PKIB: variants seen among roughly 807,000 people sequenced by gnomAD.
The protein encoded by PKIB is cAMP-dependent protein kinase inhibitor beta.
A neutral mutation model predicts 4.5 loss-of-function variants in PKIB; 2 were observed. That is an observed-to-expected ratio of 0.44 (90% CI 0.18 to 1.39). PKIB has a LOEUF of 1.39. Ranked by LOEUF, PKIB falls within the 40% of genes most tolerant of loss-of-function variation. PKIB has a pLI of 0.27. For synonymous variants in PKIB, 38 were observed against 36.0 expected (o/e 1.06, Z -0.20); for missense variants, 94 against 92.6 (o/e 1.02, Z -0.06).
chr6:122,545,412 C>G (rs956772395), intron 2 of PKIB, among the ~76,000 whole-genome samples: 1 of 151,858 alleles, frequency 6.6e-6, no homozygotes, highest in Non-Finnish European at 1.5e-5. Flanking sequence ...ACTGCATGTT[C>G]TCACTTACAA....
intron 2 of PKIB, among the ~76,000 whole-genome samples, chr6:122,661,267 G>T (rs562691874): frequency 6.6e-6 from 1 of 151,928 alleles, no homozygotes; most frequent in Admixed American, 6.6e-5. Context: ...GTATATTCAC[G>T]CACTGTCATG....
At chr6:122,596,044 C>T (rs187843790) in intron 3 of PKIB, among the ~76,000 whole-genome samples, 309 of 152,342 alleles carry the variant, frequency 2.0e-3, no homozygotes, top group African/African-American at 7.0e-3. Flanking sequence ...AAGTCCCTGA[C>T]CATCCAGCCA....
At chr6:122,593,639 T>C (rs560436752) in intron 3 of PKIB, among the ~76,000 whole-genome samples, 3 of 152,326 alleles carry the variant, frequency 2.0e-5, no homozygotes, top group African/African-American at 7.2e-5. Context: ...GCAATATAGA[T>C]GGTATTTCAA....
chr6:122,579,364 T>G (rs1351151901), intron 2 of PKIB, among the ~76,000 whole-genome samples: 1 of 152,158 alleles, frequency 6.6e-6, no homozygotes, highest in Non-Finnish European at 1.5e-5. Context: ...CCCTAACCTA[T>G]CTTCATCCCT....
At chr6:122,615,220 C>G (rs1774933705) in intron 1 of PKIB, among the ~76,000 whole-genome samples, 1 of 152,010 alleles carries the variant, frequency 6.6e-6, no homozygotes, top group Non-Finnish European at 1.5e-5. Context: ...TTAAATATGT[C>G]TTTCTAACAT....
At chr6:122,716,203 A>G (rs569401369) in intron 3 of PKIB, among the ~76,000 whole-genome samples, 2 of 152,192 alleles carry the variant, frequency 1.3e-5, no homozygotes, top group African/African-American at 2.4e-5. Flanking sequence ...ATAGTTACAA[A>G]GAGTTCATTT....
intron 2 of PKIB, among the ~76,000 whole-genome samples, chr6:122,563,874 C>G (rs1333933113): frequency 1.3e-5 from 2 of 152,118 alleles, no homozygotes; most frequent in Non-Finnish European, 2.9e-5. Context: ...TGAAATCTCC[C>G]GCCTCCCAGC....
intron 2 of PKIB, among the ~76,000 whole-genome samples, chr6:122,524,129 C>T (rs1777026840): frequency 6.6e-6 from 1 of 150,772 alleles, no homozygotes; most frequent in Admixed American, 6.6e-5. Context: ...CTTCCTTCTC[C>T]TCCTCCTTCC....
At chr6:122,608,532 A>G, upstream of PKIB, among the ~76,000 whole-genome samples, 1 of 152,260 alleles carries the variant, frequency 6.6e-6, no homozygotes, top group Non-Finnish European at 1.5e-5. Context: ...ATGAGAGGCC[A>G]TCAAAAATCT....
chr6:122,585,248 G>A (rs889798356), intron 2 of PKIB, among the ~76,000 whole-genome samples: 2 of 152,012 alleles, frequency 1.3e-5, no homozygotes, highest in Non-Finnish European at 2.9e-5. Flanking sequence ...AACCCTCCTG[G>A]GCTAAGCCCC....
chr6:122,600,641 T>G (rs1354337231), intron 3 of PKIB, among the ~76,000 whole-genome samples: 1 of 152,100 alleles, frequency 6.6e-6, no homozygotes, highest in African/African-American at 2.4e-5. Context: ...TCACAAAACT[T>G]AATAGACAGA....
chr6:122,614,321 C>T (rs964645826), intron 1 of PKIB, among the ~76,000 whole-genome samples: 8 of 152,160 alleles, frequency 5.3e-5, no homozygotes, highest in African/African-American at 1.9e-4. Context: ...TTCTTTAAGA[C>T]AATGTGGTCT....
intron 2 of PKIB, among the ~76,000 whole-genome samples, chr6:122,519,143 C>G (rs1381576192): frequency 6.6e-6 from 1 of 152,112 alleles, no homozygotes; most frequent in Non-Finnish European, 1.5e-5. Context: ...GCGTTACTGC[C>G]TGAGCTCTGC....
intron 2 of PKIB, among the ~76,000 whole-genome samples, chr6:122,552,764 T>G (rs1772716541): frequency 6.6e-6 from 1 of 152,146 alleles, no homozygotes; most frequent in Non-Finnish European, 1.5e-5. Flanking sequence ...GTGTTTTTAT[T>G]TCCAGCAAGT....
chr6:122,626,446 A>G (rs1018571116), intron 1 of PKIB, among the ~76,000 whole-genome samples: 13 of 152,340 alleles, frequency 8.5e-5, no homozygotes, highest in African/African-American at 1.2e-4. Context: ...GGGGAAGACT[A>G]TCAAACACAG....
intron 1 of PKIB, among the ~76,000 whole-genome samples, chr6:122,628,664 A>G (rs908665176): frequency 6.6e-6 from 1 of 152,176 alleles, no homozygotes; most frequent in Non-Finnish European, 1.5e-5. Flanking sequence ...ATTTCTTCCT[A>G]TGGCTACATC....
chr6:122,610,954 G>A (rs1481810061), intron 1 of PKIB, among the ~76,000 whole-genome samples: 1 of 152,224 alleles, frequency 6.6e-6, no homozygotes, highest in Non-Finnish European at 1.5e-5. Flanking sequence ...CGGCCGCGGG[G>A]TTAGCAGAGA....
intron 3 of PKIB, among the ~76,000 whole-genome samples, chr6:122,587,361 C>A (rs1468719374): frequency 6.6e-6 from 1 of 152,052 alleles, no homozygotes; most frequent in African/African-American, 2.4e-5. Context: ...TGAACTCATC[C>A]TTTTTTATGG....
At chr6:122,595,298 T>C (rs1335179357) in intron 3 of PKIB, among the ~76,000 whole-genome samples, 1 of 152,168 alleles carries the variant, frequency 6.6e-6, no homozygotes, top group African/African-American at 2.4e-5. Flanking sequence ...GGCATTGTAA[T>C]TGTGACTTCA....
Sources: gnomAD v4.1 joint callset for allele counts (sites outside exome capture counted in the v4.1 genomes callset) on GRCh38, gnomAD v4.1.1 for gene constraint, MANE v1.5 for transcripts, NCBI Gene and HGNC (gene_info 2026-07-23, HGNC 2026-07-21) for gene names.